The following RNF150 variants were observed in gnomAD, a reference collection of about 807,000 sequenced individuals.
RNF150 encodes the protein ring finger protein 150.
RNF150 carries 24 observed loss-of-function variants against 39.3 expected under a neutral mutation model. The ratio of observed to expected loss-of-function variants is 0.61; its 90% CI spans 0.44 to 0.86. The LOEUF is 0.86. Ranked by LOEUF, RNF150 falls within the 40% of genes least tolerant of loss-of-function variation. The pLI is 0.00. For missense variants in RNF150, 502 were observed against 587.8 expected (o/e 0.85, Z 1.51); for synonymous variants, 255 against 227.3 (o/e 1.12, Z -1.10).
In RNF150 at chr4:140,911,178, G is replaced by T. The variant is rs765435950; in HGVS notation, c.1164C>A (p.Ile388=). The T allele has an allele frequency of 1.9e-6, 3 of 1,614,150 alleles. No homozygotes were observed. Among genetic ancestry groups the T allele is most frequent in the Admixed American group, 1.7e-5 (1 of 60,022 alleles). ...ALQVVQDTDP[I]PQEGDVIFTT... ...TAAAGATGACGTCTCCCTCCTGGGG[G>T]ATGGGGTCTGTATCCTGGACCACCT... Residue 388 remains isoleucine (I), a synonymous_variant, in exon 6 of 7, where the codon ATC becomes ATA. Transcript: ENST00000515673.
intron 5 of RNF150, among the ~76,000 whole-genome samples, chr4:140,923,364 G>GA (rs1163725971): frequency 6.6e-6 from 1 of 152,196 alleles, no homozygotes; most frequent in Non-Finnish European, 1.5e-5. Flanking sequence ...AAAGACACAT[G>GA]AAAAAATGCT....
intron 1 of RNF150, among the ~76,000 whole-genome samples, chr4:140,999,977 A>AAG (rs1553935687): frequency 2.9e-5 from 1 of 34,678 alleles, no homozygotes; most frequent in Non-Finnish European, 6.2e-5. Flanking sequence ...AAGAAGAAGA[A>AAG]AAGAAGAAAA....
At chr4:141,129,600 A>G (rs1726840995) in intron 1 of RNF150, among the ~76,000 whole-genome samples, 1 of 152,224 alleles carries the variant, frequency 6.6e-6, no homozygotes, top group Non-Finnish European at 1.5e-5. Context: ...AAATGAGTGA[A>G]CTGCAGAGTA....
chr4:140,937,539 G>C (rs1437863005), intron 4 of RNF150, among the ~76,000 whole-genome samples: 2 of 152,144 alleles, frequency 1.3e-5, no homozygotes, highest in Non-Finnish European at 2.9e-5. Context: ...GGGATTTCAG[G>C]CGTGAGCCAC....
intron 4 of RNF150, among the ~76,000 whole-genome samples, chr4:140,935,000 TATATATAAATATATATATA>T (rs1731782770): frequency 8.5e-6 from 1 of 117,510 alleles, no homozygotes; most frequent in African/African-American, 3.2e-5. Context: ...AATATATATA[TATATATAAATATATATATA>T]TTATATATTT....
At chr4:141,017,756 C>G (rs574504593) in intron 1 of RNF150, among the ~76,000 whole-genome samples, 2 of 152,282 alleles carry the variant, frequency 1.3e-5, no homozygotes, top group African/African-American at 4.8e-5. Flanking sequence ...TGTATGTAAT[C>G]TTTTCATATT....
At chr4:140,933,696 G>T (rs1250197666) in intron 4 of RNF150, among the ~76,000 whole-genome samples, 1 of 152,228 alleles carries the variant, frequency 6.6e-6, no homozygotes. Context: ...GAATGGTGAA[G>T]AAAATAATGG....
intron 1 of RNF150, among the ~76,000 whole-genome samples, chr4:141,191,405 C>G (rs900265737): frequency 6.6e-6 from 1 of 152,210 alleles, no homozygotes; most frequent in Non-Finnish European, 1.5e-5. Flanking sequence ...ACCTCTGGTT[C>G]TAGCTCAGCT....
At chr4:140,924,237 G>A (rs1731292250) in intron 5 of RNF150, among the ~76,000 whole-genome samples, 1 of 152,132 alleles carries the variant, frequency 6.6e-6, no homozygotes, top group East Asian at 1.9e-4. Context: ...TGGCCAGAAT[G>A]CCCAAATGCT....
At chr4:140,903,369 T>C (rs1017690316) in intron 6 of RNF150, among the ~76,000 whole-genome samples, 1 of 152,246 alleles carries the variant, frequency 6.6e-6, no homozygotes, top group Non-Finnish European at 1.5e-5. Flanking sequence ...CCAGTTCTTA[T>C]GTGAGCCAAG....
intron 1 of RNF150, among the ~76,000 whole-genome samples, chr4:141,169,326 G>A (rs538614569): frequency 4.6e-5 from 7 of 152,206 alleles, no homozygotes; most frequent in Admixed American, 3.9e-4. Flanking sequence ...GGCCTCCCCA[G>A]GAGCTAAGCA....
At chr4:141,095,707 T>C (rs543350265) in intron 1 of RNF150, among the ~76,000 whole-genome samples, 1 of 152,204 alleles carries the variant, frequency 6.6e-6, no homozygotes, top group South Asian at 2.1e-4. Context: ...TGTATTTATA[T>C]ATTTTTTCTT....
At chr4:141,075,838 A>G (rs1398662883) in intron 1 of RNF150, among the ~76,000 whole-genome samples, 1 of 152,194 alleles carries the variant, frequency 6.6e-6, no homozygotes, top group Non-Finnish European at 1.5e-5. Context: ...AAGACTACAC[A>G]TTGGGTACAG....
chr4:141,184,618 G>A (rs1038665683), intron 1 of RNF150, among the ~76,000 whole-genome samples: 1 of 152,068 alleles, frequency 6.6e-6, no homozygotes, highest in East Asian at 1.9e-4. Context: ...TTTTCCTCTA[G>A]GGTTTTTATG....
intron 1 of RNF150, among the ~76,000 whole-genome samples, chr4:141,156,701 C>G (rs1727406748): frequency 7.1e-6 from 1 of 141,430 alleles, no homozygotes; most frequent in Non-Finnish European, 1.5e-5. Context: ...TGAGACCAGC[C>G]TGACCAATAT....
chr4:140,886,450 C>T (rs1280307955), intron 6 of RNF150, among the ~76,000 whole-genome samples: 2 of 152,050 alleles, frequency 1.3e-5, no homozygotes, highest in South Asian at 2.1e-4. Flanking sequence ...CATGCTTTGC[C>T]CATTTTTAAA....
In RNF150 at chr4:141,085,106, G is replaced by C. The variant is rs186740064; in HGVS notation, c.484+47219C>G. ...GAAAAAGAGGTTTAATGGACTCACA[G>C]TTTCACATGGCTGGAAAGGCCTCAC... On this transcript the variant is annotated intron_variant, in intron 1 of 6. Coordinates refer to ENST00000515673, the MANE Select transcript of RNF150 (RefSeq NM_020724.2). 3.7e-4 allele frequency among the ~76,000 whole-genome samples: 57 copies of C among 152,310 alleles called. 1 individual carries two copies. The highest frequency in any genetic ancestry group is 7.6e-4 in the Non-Finnish European group (52 of 68,036).
chr4:140,969,232 A>G (rs1733363097), intron 1 of RNF150, among the ~76,000 whole-genome samples: 1 of 152,140 alleles, frequency 6.6e-6, no homozygotes, highest in Non-Finnish European at 1.5e-5. Flanking sequence ...CTTAGGCTGA[A>G]CAACTACTTT....
At chr4:141,036,246 A>G (rs990472944) in intron 1 of RNF150, among the ~76,000 whole-genome samples, 6 of 152,072 alleles carry the variant, frequency 3.9e-5, no homozygotes, top group African/African-American at 1.4e-4. Context: ...GCTGTGCTTT[A>G]TATGTTTTGG....
Sources: gnomAD v4.1 joint callset for allele counts (sites outside exome capture counted in the v4.1 genomes callset) on GRCh38, gnomAD v4.1.1 for gene constraint, MANE v1.5 for transcripts, NCBI Gene and HGNC (gene_info 2026-07-23, HGNC 2026-07-21) for gene names.